Variants in CACNA1B observed in about 807,000 individuals in gnomAD.
CACNA1B encodes the protein voltage-dependent N-type calcium channel subunit alpha-1B.
CACNA1B carries 70 observed loss-of-function variants against 247.2 expected under a neutral mutation model. The observed-to-expected ratio is 0.28, with a 90% CI of 0.23 to 0.35. The LOEUF is 0.35. Ranked by LOEUF, CACNA1B falls within the 10% of genes least tolerant of loss-of-function variation. CACNA1B has a pLI of 1.00. For missense variants in CACNA1B, 2,367 were observed against 3,197.4 expected, an observed-to-expected ratio of 0.74 and a Z score of 6.26; for synonymous variants, 1,231 against 1,294.4, an observed-to-expected ratio of 0.95 and a Z score of 1.05.
intron 10 of CACNA1B, among the ~76,000 whole-genome samples, chr9:137,968,935 G>A (rs904791671): frequency 9.9e-5 from 15 of 152,222 alleles, no homozygotes; most frequent in Non-Finnish European, 2.1e-4. Flanking sequence ...TGCTAATTAA[G>A]TGAACCCTGG....
In CACNA1B at chr9:138,057,624, G is replaced by T. The variant is rs556876307; in HGVS notation, c.3969-108G>T. On this transcript the variant is annotated intron_variant, in intron 26 of 46. Transcript: ENST00000371372. This position sits in a 1 kb window ranked among gnomAD's most constrained non-coding sequence, Gnocchi z 4.0. ...ACATCCAGTTTTCCCAGCACAGTCT[G>T]TTGGAGAGGCCATTCTTTCCCCACG... 4.1e-4 allele frequency: 446 copies of T among 1,075,074 alleles called. 2 individuals carry two copies. In the African/African-American group the frequency reaches 6.0e-3, roughly 14 times the overall value. 66.6% of individuals were successfully genotyped at this position (1,075,074 alleles called of 1,614,324 possible).
At chr9:138,001,122 C>T (rs965032390) in intron 15 of CACNA1B, among the ~76,000 whole-genome samples, 13 of 151,998 alleles carry the variant, frequency 8.6e-5, no homozygotes, top group African/African-American at 2.9e-4. Flanking sequence ...TCTAGTAATA[C>T]AAGAAATACA....
rs1005658129 is a variant in CACNA1B at position 138,058,933 on chromosome 9, G to A, written c.4474-146G>A. The A allele has an allele frequency of 1.4e-6, 1 of 710,266 alleles. No individual in the cohort carries two copies. Among genetic ancestry groups the A allele is most frequent in the Admixed American group, 2.3e-5 (1 of 42,790 alleles). The allele number at this position is 710,266 out of a possible 1,614,324, so 44.0% of individuals were successfully genotyped here. On this transcript the variant is annotated intron_variant, in intron 29 of 46. Coordinates refer to ENST00000371372, the MANE Select transcript of CACNA1B (RefSeq NM_000718.4). The surrounding 1 kb of genome is among the most constrained non-coding windows in gnomAD (Gnocchi z 4.7). ...GGCTGGGACAGTGGGGAGGTTCTGG[G>A]AGGACTCGGGGAGAGCAGGAAGGGG...
chr9:138,028,023 CTTTTTTT>C (rs541594878), intron 20 of CACNA1B, among the ~76,000 whole-genome samples: 5 of 98,746 alleles, frequency 5.1e-5, no homozygotes, highest in Admixed American at 4.3e-4. Flanking sequence ...CCCCCCCAAC[CTTTTTTT>C]TTTTTTTTTT....
chr9:137,903,211 G>A (rs1260652201), intron 3 of CACNA1B, among the ~76,000 whole-genome samples: 2 of 152,076 alleles, frequency 1.3e-5, no homozygotes, highest in Admixed American at 6.6e-5. Context: ...GTGAAACCCC[G>A]TCTCTACTAA....
At position 137,912,659 on chromosome 9, in the gene CACNA1B, C is replaced by T. The variant is rs141733542; in HGVS notation, c.531-521C>T. 1.7e-3 allele frequency among the ~76,000 whole-genome samples: 264 copies of T among 152,206 alleles called. 2 individuals carry two copies. The highest frequency in any genetic ancestry group is 6.1e-3 in the African/African-American group (253 of 41,510). On this transcript the variant is annotated intron_variant, in intron 3 of 46. Transcript: ENST00000371372. ...ACTGACCACAGTGTCTTCCTCATTC[C>T]ACCTTTCCAATACCCCACTTCCCTG...
intron 37 of CACNA1B, among the ~76,000 whole-genome samples, chr9:138,099,189 GACC>G (rs1174527329): frequency 2.0e-5 from 3 of 152,266 alleles, no homozygotes; most frequent in South Asian, 2.1e-4. Flanking sequence ...TGCACAGTGT[GACC>G]ACATGTGCAC....
At chr9:138,033,958 G>T (rs1959014112) in intron 20 of CACNA1B, among the ~76,000 whole-genome samples, 1 of 152,132 alleles carries the variant, frequency 6.6e-6, no homozygotes, top group South Asian at 2.1e-4. Context: ...ATTGACAGAT[G>T]GGAATAGAAG....
chr9:137,971,247 G>T lies in CACNA1B; in HGVS notation c.1334-136G>T, dbSNP rs532450676. 3 of 653,738 alleles carry T rather than the reference G, an allele frequency of 4.6e-6. No homozygotes were observed. Among genetic ancestry groups the T allele is most frequent in the Admixed American group, 4.6e-5 (2 of 43,102 alleles). The allele number at this position is 653,738 out of a possible 1,614,324, so 40.5% of individuals were successfully genotyped here. On this transcript the variant is annotated intron_variant, in intron 10 of 46. Coordinates refer to ENST00000371372, the MANE Select transcript of CACNA1B (RefSeq NM_000718.4). This position sits in a 1 kb window ranked among gnomAD's most constrained non-coding sequence, Gnocchi z 4.4. ...TCAGCTGTGAAGTGGAGGTCACAGG[G>T]GTCACTGGCACAATTGTCTGTGACC...
chr9:138,046,904 G>A lies in CACNA1B; in HGVS notation c.3414G>A (p.Leu1138=), dbSNP rs781475550. 15 of 1,613,100 alleles carry A rather than the reference G, an allele frequency of 9.3e-6. No homozygotes were observed. Among genetic ancestry groups the A allele is most frequent in the South Asian group, 7.7e-5 (7 of 91,046 alleles). ...SSMFCLSPTN[L]LRRFCHYIVT... is the part of the protein sequence containing the mutation. ...TGGTGATCCGTGCCTTCCCTCACAGGCTCCGCCGCTTCTGCCACTACATCG... is the reference window on the plus strand; with the variant it reads ...TGGTGATCCGTGCCTTCCCTCACAGACTCCGCCGCTTCTGCCACTACATCG... The change falls in exon 22 of 47, where the codon CTG becomes CTA. Residue 1138 remains leucine, a splice_region_variant and synonymous_variant. Transcript: ENST00000371372.
chr9:137,959,213 T>G (rs899645275), intron 10 of CACNA1B, among the ~76,000 whole-genome samples: 1 of 152,102 alleles, frequency 6.6e-6, no homozygotes, highest in Non-Finnish European at 1.5e-5. Context: ...GCTGGGATTA[T>G]AGGCATGCAC....
In CACNA1B at chr9:138,120,801, G is replaced by A. The variant is rs545077051; in HGVS notation, c.6409G>A (p.Glu2137Lys). Reference sequence around the variant, plus strand: ...CTCCTGCGACCGCTTTGGGGGCCGTGAGCCCCCGAAGCCCAAGCCCTCCCT... The same window carrying A: ...CTCCTGCGACCGCTTTGGGGGCCGTAAGCCCCCGAAGCCCAAGCCCTCCCT... ...FYSCDRFGGR[E>K]PPKPKPSLSS... Residue 2137 changes from glutamate (E) to lysine (K), a missense_variant, in exon 46 of 47, where the codon GAG becomes AAG. This residue lies in a region of CACNA1B where 773 missense variants were observed against 779.4 expected (regional missense o/e 0.99). Coordinates refer to ENST00000371372, the MANE Select transcript of CACNA1B (RefSeq NM_000718.4). The A allele has an allele frequency of 3.9e-6, 6 of 1,558,374 alleles. No individual in the cohort carries two copies. In the African/African-American group the frequency reaches 8.2e-5, roughly 21 times the overall value.
At chr9:138,038,768 T>C (rs1032875391) in intron 20 of CACNA1B, among the ~76,000 whole-genome samples, 5 of 152,220 alleles carry the variant, frequency 3.3e-5, no homozygotes, top group Non-Finnish European at 5.9e-5. Flanking sequence ...CACGGTGTGC[T>C]TCTGTAGAAC....
chr9:138,025,409 A>T (rs1958909581), intron 20 of CACNA1B, among the ~76,000 whole-genome samples: 1 of 152,234 alleles, frequency 6.6e-6, no homozygotes, highest in African/African-American at 2.4e-5. Context: ...AAATATTTGC[A>T]CGTTGCCAAC....
At position 137,881,924 on chromosome 9, in the gene CACNA1B, C is replaced by G. The variant is rs903533942; in HGVS notation, c.391-820C>G. 2.6e-5 allele frequency among the ~76,000 whole-genome samples: 4 copies of G among 152,200 alleles called. No homozygotes were observed. The East Asian group carries it at 7.7e-4, about 29-fold the overall frequency. On this transcript the variant is annotated intron_variant, in intron 2 of 46. Coordinates refer to ENST00000371372, the MANE Select transcript of CACNA1B (RefSeq NM_000718.4). The surrounding 1 kb of genome is among the most constrained non-coding windows in gnomAD (Gnocchi z 4.3). ...TCCACCTGGATCCCTTTCTCAAAAT[C>G]GAGCTGTGGAAGCCTTGCCTGCAGG... is the stretch of plus-strand genomic sequence containing the variant.
At chr9:138,117,882 G>C in intron 42 of CACNA1B, 64 bp from the exon 43 acceptor site, 1 of 1,364,348 alleles carries the variant, frequency 7.3e-7, no homozygotes. Context: ...TGAAGCACCA[G>C]GCTATTGGTA....
At chr9:137,916,939 G>T (rs1957419621) in intron 5 of CACNA1B, among the ~76,000 whole-genome samples, 1 of 152,084 alleles carries the variant, frequency 6.6e-6, no homozygotes, top group Non-Finnish European at 1.5e-5. Flanking sequence ...TTAGGAGTTT[G>T]TTGTTTTTAG....
rs1473916309 is a variant in CACNA1B at position 138,051,902 on chromosome 9, G to T, written c.3711-190G>T. 4.6e-5 allele frequency among the ~76,000 whole-genome samples: 7 copies of T among 152,142 alleles called. No individual in the cohort carries two copies. The highest frequency in any genetic ancestry group is 2.0e-4 in the Admixed American group (3 of 15,286). On this transcript the variant is annotated intron_variant, in intron 24 of 46. Coordinates refer to ENST00000371372, the MANE Select transcript of CACNA1B (RefSeq NM_000718.4). This position sits in a 1 kb window ranked among gnomAD's most constrained non-coding sequence, Gnocchi z 4.3. Reference sequence around the variant, plus strand: ...CTGTCCTTAGATGAGGCCCGGGCCAGGCAGCCCCTGGGAAGAGTCATGGTG... The same window carrying T: ...CTGTCCTTAGATGAGGCCCGGGCCATGCAGCCCCTGGGAAGAGTCATGGTG...
At chr9:138,003,778 CTTTTTTTTTT>C (rs11305081) in intron 15 of CACNA1B, among the ~76,000 whole-genome samples, 2 of 86,894 alleles carry the variant, frequency 2.3e-5, no homozygotes, top group Non-Finnish European at 4.3e-5. Flanking sequence ...ACGGGCTTGC[CTTTTTTTTTT>C]TTTTTTTTTT....
Sources: allele counts gnomAD v4.1 joint callset (sites outside exome capture counted in the v4.1 genomes callset), GRCh38; gene constraint gnomAD v4.1.1; regional missense constraint gnomAD v4.1.1; non-coding constraint Gnocchi (gnomAD v3.1); transcripts MANE v1.5; gene names NCBI Gene and HGNC (gene_info 2026-07-23, HGNC 2026-07-21).